Variants in VCPIP1 observed in about 807,000 individuals in gnomAD.
The protein encoded by VCPIP1 is deubiquitinating protein VCPIP1.
A neutral mutation model predicts 85.0 loss-of-function variants in VCPIP1; 8 were observed. That is an observed-to-expected ratio of 0.09 (90% CI 0.06 to 0.17). The LOEUF is 0.17. Ranked by LOEUF, VCPIP1 falls within the 10% of genes least tolerant of loss-of-function variation. VCPIP1 has a pLI of 1.00. For synonymous variants in VCPIP1, 543 were observed against 544.5 expected (o/e 1.00, Z 0.04); for missense variants, 1,070 against 1,486.3 (o/e 0.72, Z 4.61).
intron 2 of VCPIP1, among the ~76,000 whole-genome samples, chr8:66,640,555 C>A (rs762772189): frequency 1.3e-4 from 20 of 152,178 alleles, no homozygotes; most frequent in Admixed American, 3.9e-4. Flanking sequence ...CCTGTTTTTC[C>A]GCTCAAATGT....
intron 2 of VCPIP1, among the ~76,000 whole-genome samples, chr8:66,638,936 T>TTCTCTCTCTCTCTCTCTCTC (rs750894538): frequency 1.1e-4 from 14 of 131,666 alleles, no homozygotes; most frequent in South Asian, 4.7e-4. Flanking sequence ...CAAGAAAACT[T>TTCTCTCTCTCTCTCTCTCTC]TCTCTCTCTC....
chr8:66,634,297 T>C lies in VCPIP1; in HGVS notation c.*204A>G. 1 of 458,332 alleles carries C rather than the reference T, an allele frequency of 2.2e-6. No individual in the cohort carries two copies. The highest frequency in any genetic ancestry group is 3.7e-6 in the Non-Finnish European group (1 of 272,226). 28.4% of individuals were successfully genotyped at this position (458,332 alleles called of 1,614,324 possible). On this transcript the variant is annotated 3_prime_UTR_variant, in exon 3 of 3. Coordinates refer to ENST00000310421, the MANE Select transcript of VCPIP1 (RefSeq NM_025054.5). ...ATCTCAGCAGATCTAACAGCTAATTTATAGAAATTCAGAGCCAGCCTGGGC... is the reference window on the plus strand; with the variant it reads ...ATCTCAGCAGATCTAACAGCTAATTCATAGAAATTCAGAGCCAGCCTGGGC...
At position 66,651,551 on chromosome 8, in the gene VCPIP1, G is replaced by A; in HGVS notation, c.2711-7C>T. 6.2e-7 allele frequency: 1 copy of A among 1,608,112 alleles called. No homozygotes were observed. Among genetic ancestry groups the A allele is most frequent in the Non-Finnish European group, 8.5e-7 (1 of 1,176,890 alleles). ...TAAGACCATACATCTTCTCCTGTAA[G>A]ACAAAAACAGATATAGTATTAGCAA... On this transcript the variant is annotated splice_region_variant and splice_polypyrimidine_tract_variant and intron_variant, in intron 1 of 2. Coordinates refer to ENST00000310421, the MANE Select transcript of VCPIP1 (RefSeq NM_025054.5).
rs754350901 is a variant in VCPIP1 at position 66,664,716 on chromosome 8, G to A, written c.2243C>T (p.Pro748Leu). The change falls in exon 1 of 3, where the codon CCC becomes CTC. Residue 748 changes from proline to leucine, a missense_variant. By Grantham distance (98) the Pro-to-Leu change is moderately conservative. This residue lies in a region of VCPIP1 where 278 missense variants were observed against 298.5 expected (regional missense o/e 0.93). Coordinates refer to ENST00000310421, the MANE Select transcript of VCPIP1 (RefSeq NM_025054.5). ...GGATGGACCATCACGAATGGTACTG[G>A]GAGAAACAGTCCTGGGTTGCCCTTT... ...EQKGQPRTVS[P>L]STIRDGPSSA... 18 of 1,613,708 alleles carry A rather than the reference G, an allele frequency of 1.1e-5. No homozygotes were observed. The highest frequency in any genetic ancestry group is 6.7e-5 in the East Asian group (3 of 44,896).
At chr8:66,646,036 A>G (rs969924393) in intron 2 of VCPIP1, among the ~76,000 whole-genome samples, 7 of 151,866 alleles carry the variant, frequency 4.6e-5, no homozygotes, top group Non-Finnish European at 8.8e-5. Context: ...TCAACTTACA[A>G]CGGGTTACAG....
intron 1 of VCPIP1, 50 bp from the exon 2 acceptor site, chr8:66,651,594 TC>T: frequency 6.7e-7 from 1 of 1,499,956 alleles, no homozygotes. Context: ...AAGAGTTCCA[TC>T]CAGGGCTGCT....
In VCPIP1 at chr8:66,666,535, G is replaced by C. The variant is rs1160308763; in HGVS notation, c.424C>G (p.Gln142Glu). The change falls in exon 1 of 3, where the codon CAG (glutamine) becomes GAG (glutamate). Residue 142 changes from glutamine (Q) to glutamate (E), a missense_variant. This residue lies in a region of VCPIP1 where 118 missense variants were observed against 337.1 expected (regional missense o/e 0.35). Transcript: ENST00000310421. The surrounding 1 kb of genome is among the most constrained non-coding windows in gnomAD (Gnocchi z 6.3). ...CGGAGAAGCTTGGCCCGGCCTGTCT[G>C]TTTGTCCATTCCATAGCGAGCTAAT... ...PILARYGMDK[Q>E]TGRAKLLRDM... 4 of 1,614,164 alleles carry C rather than the reference G, an allele frequency of 2.5e-6. No homozygotes were observed. The highest frequency in any genetic ancestry group is 1.7e-5 in the Admixed American group (1 of 60,020).
At chr8:66,652,198 G>A (rs1811061115) in intron 1 of VCPIP1, among the ~76,000 whole-genome samples, 2 of 151,964 alleles carry the variant, frequency 1.3e-5, no homozygotes, top group Non-Finnish European at 2.9e-5. Flanking sequence ...TTCAAAAAAA[G>A]AAAAAACCAC....
In VCPIP1 at chr8:66,665,854, G is replaced by A. The variant is rs779104296; in HGVS notation, c.1105C>T (p.Leu369=). 1.4e-5 allele frequency: 23 copies of A among 1,614,084 alleles called. No homozygotes were observed. The highest frequency in any genetic ancestry group is 1.7e-5 in the Non-Finnish European group (20 of 1,180,042). ...GCTTTAGGAAGCAAATTCATAGGCAGTTTGGGCAAAGCAGCCCCTTTTATG... is the reference window on the plus strand; with the variant it reads ...GCTTTAGGAAGCAAATTCATAGGCAATTTGGGCAAAGCAGCCCCTTTTATG... ...VGIKGAALPK[L]PMNLLPKAWG... Residue 369 remains leucine, a synonymous_variant, in exon 1 of 3, where the codon CTG becomes TTG. Transcript: ENST00000310421. This position sits in a 1 kb window ranked among gnomAD's most constrained non-coding sequence, Gnocchi z 4.3.
intron 2 of VCPIP1, among the ~76,000 whole-genome samples, chr8:66,645,282 G>A (rs971878757): frequency 1.3e-5 from 2 of 152,064 alleles, no homozygotes; most frequent in African/African-American, 4.8e-5. Context: ...GCTGGGCATT[G>A]TTGCGTGCAC....
rs192112667 is a variant in VCPIP1 at position 66,649,036 on chromosome 8, G to A, written c.2797+2422C>T. On this transcript the variant is annotated intron_variant, in intron 2 of 2. Transcript: ENST00000310421. ...AAATTAGTCGGGCATGGTGGCTTAT[G>A]CCTGTAGTCCCAGCTACTCAGTAGG... 3.5e-3 allele frequency among the ~76,000 whole-genome samples: 526 copies of A among 152,208 alleles called. 4 individuals are homozygous for A. The highest frequency in any genetic ancestry group is 6.1e-3 in the Non-Finnish European group (416 of 68,014).
intron 2 of VCPIP1, 81 bp from the exon 3 acceptor site, chr8:66,635,453 TAA>T: frequency 1.5e-6 from 2 of 1,302,878 alleles, no homozygotes; most frequent in Non-Finnish European, 2.0e-6. Flanking sequence ...ATAGTTAAAA[TAA>T]TGAATTTTAA....
chr8:66,641,662 C>CT (rs1810949298), intron 2 of VCPIP1, among the ~76,000 whole-genome samples: 1 of 152,248 alleles, frequency 6.6e-6, no homozygotes, highest in South Asian at 2.1e-4. Flanking sequence ...CTCTGTTTCT[C>CT]TAAGTGTTCC....
Position 66,648,860 on chromosome 8 carries a change from G to A in VCPIP1, c.2797+2598C>T, listed in dbSNP as rs115844454. ...GTGTGAGCCACTGTGCTCAGCCCCA[G>A]TAAAACTTTTAAGTATTCAGCCAGG... is the stretch of plus-strand genomic sequence containing the variant. On this transcript the variant is annotated intron_variant, in intron 2 of 2. Transcript: ENST00000310421. Among the ~76,000 whole-genome samples the A allele has an allele frequency of 8.0e-3, 1,209 of 152,022 alleles. 14 individuals are homozygous for A. The highest frequency in any genetic ancestry group is 0.025 in the African/African-American group (1,050 of 41,504).
At chr8:66,644,587 G>A (rs1300304029) in intron 2 of VCPIP1, among the ~76,000 whole-genome samples, 1 of 152,118 alleles carries the variant, frequency 6.6e-6, no homozygotes, top group African/African-American at 2.4e-5. Flanking sequence ...CAAGCTGAAT[G>A]CTTCCAAGAT....
rs777054900 is a variant in VCPIP1, at chr8:66,664,971, T to A, written c.1988A>T (p.Tyr663Phe). The A allele has an allele frequency of 1.2e-6, 2 of 1,613,768 alleles. No homozygotes were observed. Among genetic ancestry groups the A allele is most frequent in the Non-Finnish European group, 1.7e-6 (2 of 1,179,764 alleles). Reference sequence around the variant, plus strand: ...AGCACCATCTATATTTACAGGAGTATAATCATCGGGATTCTTTTTGGCAGT... The same window carrying A: ...AGCACCATCTATATTTACAGGAGTAAAATCATCGGGATTCTTTTTGGCAGT... ...HQTAKKNPDD[Y>F]TPVNIDGAHA... The change falls in exon 1 of 3, where the codon TAT (tyrosine) becomes TTT (phenylalanine). Residue 663 changes from tyrosine (Y) to phenylalanine (F), a missense_variant. Around this residue, in one of 8 missense-constraint regions of VCPIP1, gnomAD observed 278 missense variants for 298.5 expected, o/e 0.93. Transcript: ENST00000310421.
intron 2 of VCPIP1, among the ~76,000 whole-genome samples, chr8:66,638,747 C>G (rs1810914693): frequency 6.6e-6 from 1 of 151,966 alleles, no homozygotes; most frequent in Non-Finnish European, 1.5e-5. Context: ...CCACTGCACT[C>G]CAGCCTGGGC....
chr8:66,666,733 G>A lies in VCPIP1; in HGVS notation c.226C>T (p.Arg76Trp), dbSNP rs756052369. Residue 76 changes from arginine to tryptophan, a missense_variant, in exon 1 of 3, where the codon CGG becomes TGG. Coordinates refer to ENST00000310421, the MANE Select transcript of VCPIP1 (RefSeq NM_025054.5). The surrounding 1 kb of genome is among the most constrained non-coding windows in gnomAD (Gnocchi z 6.3). Reference protein sequence around the residue: ...VSIECTECGQRHEQQQLLGVE... With the variant: ...VSIECTECGQWHEQQQLLGVE... ...CCCAGCAGCTGTTGCTGCTCGTGCCGCTGGCCGCACTCGGTACACTCGATG... is the reference window on the plus strand; with the variant it reads ...CCCAGCAGCTGTTGCTGCTCGTGCCACTGGCCGCACTCGGTACACTCGATG... 1.9e-6 allele frequency: 3 copies of A among 1,613,884 alleles called. No individual in the cohort carries two copies. The highest frequency in any genetic ancestry group is 2.2e-5 in the South Asian group (2 of 91,074).
chr8:66,637,137 G>C (rs1286052701), intron 2 of VCPIP1, among the ~76,000 whole-genome samples: 1 of 151,978 alleles, frequency 6.6e-6, no homozygotes, highest in Admixed American at 6.6e-5. Flanking sequence ...ACAAACAAAG[G>C]CTAGGAGTTT....
Sources: gnomAD v4.1 joint callset for allele counts (sites outside exome capture counted in the v4.1 genomes callset) on GRCh38, gnomAD v4.1.1 for gene constraint, gnomAD v4.1.1 regional missense constraint, Gnocchi (gnomAD v3.1) non-coding constraint, MANE v1.5 for transcripts, NCBI Gene and HGNC (gene_info 2026-07-23, HGNC 2026-07-21) for gene names.